The following WFDC1 variants were observed in gnomAD, a reference collection of about 807,000 sequenced individuals.
The protein encoded by WFDC1 is WAP four-disulfide core domain 1.
A neutral mutation model predicts 32.9 loss-of-function variants in WFDC1; 39 were observed. The observed-to-expected ratio is 1.19, with a 90% CI of 0.92 to 1.55. The LOEUF (loss-of-function observed/expected upper bound fraction) is 1.55, where lower values mean the gene tolerates loss of function less well. WFDC1 is among the 40% of genes most tolerant of loss of function. WFDC1 has a pLI of 0.00. For missense variants in WFDC1, 386 were observed against 309.5 expected (o/e 1.25, Z -1.85); for synonymous variants, 184 against 137.4 (o/e 1.34, Z -2.37).
chr16:84,311,416 G>A (rs1433364247), intron 1 of WFDC1, among the ~76,000 whole-genome samples: 3 of 113,102 alleles, frequency 2.7e-5, no homozygotes, highest in East Asian at 7.6e-4. Flanking sequence ...TTTTAGTAGA[G>A]ACGGGGTTTC....
At chr16:84,326,319 A>G (rs1372506972) in intron 5 of WFDC1, 1 of 153,076 alleles carries the variant, frequency 6.5e-6, no homozygotes, top group East Asian at 1.9e-4. Flanking sequence ...TTTTCTAAGT[A>G]TTACTCATCA....
intron 4 of WFDC1, among the ~76,000 whole-genome samples, chr16:84,319,932 A>G (rs1361082526): frequency 6.6e-6 from 1 of 152,206 alleles, no homozygotes; most frequent in East Asian, 1.9e-4. Flanking sequence ...TCATAAGTGC[A>G]GAGCAGTCGG....
intron 1 of WFDC1, among the ~76,000 whole-genome samples, chr16:84,304,675 T>C (rs922790601): frequency 3.3e-5 from 5 of 152,142 alleles, no homozygotes; most frequent in African/African-American, 1.2e-4. Context: ...AAATCACGGG[T>C]TGCTCTGGGG....
intron 1 of WFDC1, among the ~76,000 whole-genome samples, chr16:84,299,791 C>T (rs1436274497): frequency 3.3e-5 from 5 of 152,212 alleles, no homozygotes; most frequent in Non-Finnish European, 7.3e-5. Flanking sequence ...TCAGTTTGCA[C>T]CCTGCCCAGA....
intron 1 of WFDC1, among the ~76,000 whole-genome samples, chr16:84,311,588 G>C (rs1348884996): frequency 7.1e-6 from 1 of 141,204 alleles, no homozygotes; most frequent in Non-Finnish European, 1.5e-5. Context: ...GAGGGGAGTA[G>C]TGCGATCACA....
chr16:84,326,721 G>A, intron 5 of WFDC1, 161 bp from the exon 6 acceptor site: 2 of 706,298 alleles, frequency 2.8e-6, no homozygotes, highest in African/African-American at 1.8e-5. Flanking sequence ...GGCCTGGGGA[G>A]GGAGAGGAGG....
chr16:84,297,734 G>A (rs1047594959), intron 1 of WFDC1, among the ~76,000 whole-genome samples: 1 of 151,918 alleles, frequency 6.6e-6, no homozygotes, highest in Non-Finnish European at 1.5e-5. Context: ...CACCTGGCCT[G>A]GAACTTATCA....
intron 4 of WFDC1, among the ~76,000 whole-genome samples, chr16:84,322,104 G>C (rs1908332294): frequency 1.3e-5 from 2 of 151,762 alleles, no homozygotes; most frequent in Admixed American, 1.3e-4. Flanking sequence ...ATGCAGAGCT[G>C]GAAGAGCTGG....
In WFDC1 at chr16:84,312,737, C is replaced by G. The variant is rs565635607; in HGVS notation, c.145-224C>G. On this transcript the variant is annotated intron_variant, in intron 1 of 6. Coordinates refer to ENST00000219454, the MANE Select transcript of WFDC1 (RefSeq NM_021197.4). ...ACCAAGATTTGCTTATCCTTTTGCT[C>G]TGGGCTTTCAGTTATTTCGTGCCGA... is the stretch of plus-strand genomic sequence containing the variant. 3.9e-5 allele frequency among the ~76,000 whole-genome samples: 6 copies of G among 152,296 alleles called. No homozygotes were observed. The East Asian group carries it at 1.2e-3, about 29-fold the overall frequency.
At chr16:84,319,688 G>C in intron 4 of WFDC1, 117 bp downstream of exon 4, 3 of 1,318,424 alleles carry the variant, frequency 2.3e-6, no homozygotes, top group Admixed American at 4.7e-5. Context: ...ACCTGGGCCT[G>C]ACTGAGAGCT....
chr16:84,311,023 C>G (rs557639202), intron 1 of WFDC1, among the ~76,000 whole-genome samples: 1 of 152,144 alleles, frequency 6.6e-6, no homozygotes, highest in East Asian at 1.9e-4. Context: ...TCCAATTAAT[C>G]TATCCTGTAT....
In WFDC1 at chr16:84,296,064, A is replaced by C. The variant is rs1483986393; in HGVS notation, c.144+949A>C. On this transcript the variant is annotated intron_variant, in intron 1 of 6. Coordinates refer to ENST00000219454, the MANE Select transcript of WFDC1 (RefSeq NM_021197.4). ...ACTAGGAGAGAGAATGGGGTGGAGG[A>C]GGCTATCATTTTTGGTTCCTCCCAC... 2.0e-5 allele frequency among the ~76,000 whole-genome samples: 3 copies of C among 152,146 alleles called. No individual in the cohort carries two copies. The East Asian group carries it at 5.8e-4, about 29-fold the overall frequency.
At chr16:84,324,653 G>A (rs1483185875) in intron 5 of WFDC1, among the ~76,000 whole-genome samples, 193 bp downstream of exon 5, 1 of 152,194 alleles carries the variant, frequency 6.6e-6, no homozygotes, top group Non-Finnish European at 1.5e-5. Flanking sequence ...GGAGCTCATG[G>A]CAAACATGAC....
intron 5 of WFDC1, among the ~76,000 whole-genome samples, 200 bp downstream of exon 5, chr16:84,324,660 T>A (rs1418245001): frequency 6.6e-6 from 1 of 152,206 alleles, no homozygotes; most frequent in Non-Finnish European, 1.5e-5. Flanking sequence ...ATGGCAAACA[T>A]GACCTCATGC....
chr16:84,317,797 C>G (rs1488245928), intron 2 of WFDC1: 1 of 163,576 alleles, frequency 6.1e-6, no homozygotes, highest in African/African-American at 2.4e-5. Flanking sequence ...GAGGCATTTT[C>G]TTCTCTCTCA....
intron 4 of WFDC1, among the ~76,000 whole-genome samples, chr16:84,321,374 A>G (rs986846716): frequency 6.6e-6 from 1 of 152,102 alleles, no homozygotes; most frequent in Non-Finnish European, 1.5e-5. Context: ...GGTCCTTTGG[A>G]GGTAAAACCG....
At chr16:84,322,127 G>C (rs1384450889) in intron 4 of WFDC1, among the ~76,000 whole-genome samples, 1 of 150,314 alleles carries the variant, frequency 6.7e-6, no homozygotes, top group Admixed American at 6.7e-5. Flanking sequence ...TTCCAAGACT[G>C]TCCACCAGCC....
At chr16:84,310,312 G>T (rs1907536580) in intron 1 of WFDC1, among the ~76,000 whole-genome samples, 1 of 152,096 alleles carries the variant, frequency 6.6e-6, no homozygotes, top group Admixed American at 6.5e-5. Context: ...CCCTCTGGAA[G>T]ACCTGAAGGA....
At chr16:84,327,227 G>A in intron 6 of WFDC1, 1 of 397,542 alleles carries the variant, frequency 2.5e-6, no homozygotes, top group Non-Finnish European at 4.7e-6. Flanking sequence ...GTCTCACTCT[G>A]TCACCCAGGC....
Sources: allele counts gnomAD v4.1 joint callset (sites outside exome capture counted in the v4.1 genomes callset), GRCh38; gene constraint gnomAD v4.1.1; transcripts MANE v1.5; gene names NCBI Gene and HGNC (gene_info 2026-07-23, HGNC 2026-07-21).